The following AFG2A variants were observed in gnomAD, a reference collection of about 807,000 sequenced individuals.
AFG2A encodes the protein AAA ATPase AFG2A.
the AFG2A span, among the ~76,000 whole-genome samples, chr4:123,156,871 TA>T: frequency 6.6e-6 from 1 of 151,744 alleles, no homozygotes; most frequent in African/African-American, 2.4e-5. Context: ...GCCAAGTACA[TA>T]TGAAAGGAGG....
At chr4:123,232,368 A>G in the AFG2A span, among the ~76,000 whole-genome samples, 452 of 152,150 alleles carry the variant, frequency 3.0e-3, 2 homozygotes, top group Admixed American at 6.0e-3. Context: ...AATAAGAGGT[A>G]TAATGTGGAG....
chr4:123,196,197 G>T, the AFG2A span, among the ~76,000 whole-genome samples: 1 of 70,458 alleles, frequency 1.4e-5, no homozygotes, highest in East Asian at 6.0e-4. Flanking sequence ...TTTTAGTAGG[G>T]ATGGAGTTTC....
the AFG2A span, among the ~76,000 whole-genome samples, chr4:122,991,399 A>G: frequency 6.6e-6 from 1 of 152,182 alleles, no homozygotes; most frequent in African/African-American, 2.4e-5. Context: ...GTGGAACAGA[A>G]TGAGCCCCCT....
chr4:122,952,070 T>C, the AFG2A span, among the ~76,000 whole-genome samples: 29 of 152,332 alleles, frequency 1.9e-4, no homozygotes, highest in East Asian at 4.8e-3. Context: ...GCCAACCTGC[T>C]TTGGGGTACT....
chr4:123,044,593 A>G, the AFG2A span, among the ~76,000 whole-genome samples: 1 of 152,034 alleles, frequency 6.6e-6, no homozygotes, highest in East Asian at 1.9e-4. Flanking sequence ...CTCAAACTGG[A>G]CTCTGTTCAG....
the AFG2A span, among the ~76,000 whole-genome samples, chr4:123,079,529 T>C: frequency 1.3e-5 from 2 of 152,072 alleles, no homozygotes; most frequent in African/African-American, 2.4e-5. Flanking sequence ...TGTTTAGTTA[T>C]GTTCCATGAA....
the AFG2A span, among the ~76,000 whole-genome samples, chr4:122,946,817 G>C: frequency 6.6e-6 from 1 of 152,092 alleles, no homozygotes; most frequent in Non-Finnish European, 1.5e-5. Flanking sequence ...TGTTCTATTT[G>C]AGTATTATAT....
chr4:123,259,039 G>T, the AFG2A span, among the ~76,000 whole-genome samples: 11 of 151,630 alleles, frequency 7.3e-5, no homozygotes, highest in Non-Finnish European at 8.8e-5. Context: ...GCTAATTTTT[G>T]TATTTTTATT....
At chr4:123,000,633 C>T in the AFG2A span, among the ~76,000 whole-genome samples, 2 of 105,688 alleles carry the variant, frequency 1.9e-5, no homozygotes, top group African/African-American at 6.1e-5. Context: ...TTGAACCAGC[C>T]TTGCATGCCA....
chr4:123,080,251 T>C, the AFG2A span, among the ~76,000 whole-genome samples: 3 of 152,214 alleles, frequency 2.0e-5, no homozygotes, highest in African/African-American at 7.2e-5. Context: ...TAACAGGAGA[T>C]AGCAGAGAGC....
the AFG2A span, among the ~76,000 whole-genome samples, chr4:123,257,023 G>A: frequency 6.6e-6 from 1 of 152,022 alleles, no homozygotes; most frequent in South Asian, 2.1e-4. Flanking sequence ...TTTTTATTCT[G>A]AATTACTCAG....
the AFG2A span, among the ~76,000 whole-genome samples, chr4:123,252,544 A>G: frequency 1.3e-5 from 2 of 152,222 alleles, no homozygotes; most frequent in Non-Finnish European, 2.9e-5. Flanking sequence ...ATTTTAAAAT[A>G]TCTTTATTCC....
At chr4:123,215,084 C>T in the AFG2A span, among the ~76,000 whole-genome samples, 1 of 151,956 alleles carries the variant, frequency 6.6e-6, no homozygotes, top group African/African-American at 2.4e-5. Context: ...ATTTTGAAGA[C>T]TCAAAATAAT....
At chr4:123,193,878 AACAGACCACACACAGCC>A in the AFG2A span, among the ~76,000 whole-genome samples, 6 of 152,222 alleles carry the variant, frequency 3.9e-5, no homozygotes, top group African/African-American at 1.4e-4. Flanking sequence ...CATTCTTGAA[AACAGACCACACACAGCC>A]TTACATTTTT....
the AFG2A span, among the ~76,000 whole-genome samples, chr4:123,026,841 T>C: frequency 1.3e-5 from 2 of 152,176 alleles, no homozygotes; most frequent in African/African-American, 4.8e-5. Context: ...TCCATATTTT[T>C]CTACTATATT....
the AFG2A span, among the ~76,000 whole-genome samples, chr4:123,039,997 T>C: frequency 6.6e-6 from 1 of 152,098 alleles, no homozygotes; most frequent in Non-Finnish European, 1.5e-5. Context: ...TATTTACTCA[T>C]TTTTATGTTA....
chr4:123,205,483 A>G, the AFG2A span, among the ~76,000 whole-genome samples: 1 of 152,340 alleles, frequency 6.6e-6, no homozygotes, highest in South Asian at 2.1e-4. Context: ...GCAACAATCA[A>G]AAATTTAAAT....
chr4:122,997,530 T>A, the AFG2A span, among the ~76,000 whole-genome samples: 2 of 152,226 alleles, frequency 1.3e-5, no homozygotes, highest in East Asian at 3.8e-4. Flanking sequence ...ATTTGATTTA[T>A]CAGTTCATCA....
chr4:123,186,297 T>G, the AFG2A span, among the ~76,000 whole-genome samples: 1 of 152,236 alleles, frequency 6.6e-6, no homozygotes, highest in African/African-American at 2.4e-5. Flanking sequence ...ATTCATCTAA[T>G]ATGAATATTA....
Sources: allele counts gnomAD v4.1 joint callset (sites outside exome capture counted in the v4.1 genomes callset), GRCh38; gene constraint gnomAD v4.1.1; transcripts MANE v1.5; gene names NCBI Gene and HGNC (gene_info 2026-07-23, HGNC 2026-07-21).